The following DMPK variants were observed in gnomAD, a reference collection of about 807,000 sequenced individuals.
DMPK encodes the protein DM1 protein kinase.
A neutral mutation model predicts 70.3 loss-of-function variants in DMPK; 32 were observed. The observed-to-expected ratio is 0.46, with a 90% CI of 0.34 to 0.61. The LOEUF (loss-of-function observed/expected upper bound fraction) is 0.61, where lower values mean the gene tolerates loss of function less well. DMPK is among the 20% of genes least tolerant of loss of function. DMPK has a pLI of 0.01. For missense variants in DMPK, 899 were observed against 886.0 expected, an observed-to-expected ratio of 1.01 and a Z score of -0.19; for synonymous variants, 469 against 390.9, an observed-to-expected ratio of 1.20 and a Z score of -2.36.
At chr19:45,771,234 CTA>C in intron 13 of DMPK, 114 bp downstream of exon 13, 1 of 1,407,806 alleles carries the variant, frequency 7.1e-7, no homozygotes, top group Non-Finnish European at 9.6e-7. Context: ...CTTCTGCCCT[CTA>C]AAGTCGCAAA....
rs1008981067 is a variant in DMPK at position 45,770,265 on chromosome 19, C to CATT, written c.*220_*222dup. 25 of 691,038 alleles carry CATT rather than the reference C, an allele frequency of 3.6e-5. 4 individuals are homozygous for CATT. The highest frequency in any genetic ancestry group is 7.3e-5 in the Admixed American group (3 of 41,290). 42.8% of individuals were successfully genotyped at this position (691,038 alleles called of 1,614,324 possible). ...GCAGCAGCAGCAGCAGCAGCAGCAGCATTCCCGGCTACAAGGACCCTTCGA... is the reference window on the plus strand; with the variant it reads ...GCAGCAGCAGCAGCAGCAGCAGCAGCATTATTCCCGGCTACAAGGACCCTTCGA... On this transcript the variant is annotated 3_prime_UTR_variant, in exon 15 of 15. Transcript: ENST00000291270.
chr19:45,771,060 G>C lies in DMPK; in HGVS notation c.1648C>G (p.Leu550Val). ...SPRATDPPSHLDGPPAVAVGQ... is the reference protein window; with the variant it reads ...SPRATDPPSHVDGPPAVAVGQ... ...ACAGCCACGGCCGGGGGGCCATCTA[G>C]CTGGAGAGAGAAGGGACAGGTGACC... Residue 550 changes from leucine (L) to valine (V), a missense_variant and splice_region_variant, in exon 14 of 15, where the codon CTA becomes GTA. Physicochemically the swap from Leu to Val is conservative, Grantham distance 32. Transcript: ENST00000291270. The C allele has an allele frequency of 6.6e-7, 1 of 1,525,250 alleles. No individual in the cohort carries two copies. The highest frequency in any genetic ancestry group is 8.8e-7 in the Non-Finnish European group (1 of 1,137,384). The allele number at this position is 1,525,250 out of a possible 1,614,324, so 94.5% of individuals were successfully genotyped here. A position where few individuals can be genotyped will look rare whatever the true frequency, so the allele number is the denominator to read the frequency against.
At position 45,771,375 on chromosome 19, in the gene DMPK, G is replaced by T; in HGVS notation, c.1622C>A (p.Pro541His). Residue 541 changes from proline to histidine, a missense_variant, in exon 13 of 15, where the codon CCC becomes CAC. Transcript: ENST00000291270. ...GATAVTGVPS[P>H]RATDPPSHLD... The stretch of plus-strand genomic sequence containing the variant: ...ATGGGAAGGTGGATCCGTGGCCCGG[G>T]GACTGGGGACCCCCGTGACAGCTGG... 6.2e-7 allele frequency: 1 copy of T among 1,604,358 alleles called. No individual in the cohort carries two copies. Among genetic ancestry groups the T allele is most frequent in the Non-Finnish European group, 8.5e-7 (1 of 1,176,964 alleles).
rs1189899397 is a variant in DMPK, at chr19:45,770,511, G to C, written c.1867C>G (p.Pro623Ala). The C allele has an allele frequency of 6.5e-7, 1 of 1,550,330 alleles. No homozygotes were observed. Among genetic ancestry groups the C allele is most frequent in the Non-Finnish European group, 8.7e-7 (1 of 1,146,810 alleles). Reference protein sequence around the residue: ...AGQLTAVWRRPGAARAP With the variant: ...AGQLTAVWRRAGAARAP ...GTTCAGGGAGCGCGGGCGGCTCCTG[G>C]GCGGCGCCAGACTGCGGTGAGTTGG... The change falls in exon 15 of 15, where the codon CCA becomes GCA. Residue 623 changes from proline to alanine, a missense_variant. By Grantham distance (27) the Pro-to-Ala change is conservative. Transcript: ENST00000291270.
At chr19:45,773,181 T>C (rs935950366) in intron 9 of DMPK, among the ~76,000 whole-genome samples, 4 of 152,164 alleles carry the variant, frequency 2.6e-5, no homozygotes, top group South Asian at 2.1e-4. Flanking sequence ...AGATGGCAAC[T>C]TGAGGTCAGC....
intron 2 of DMPK, 67 bp from the exon 3 acceptor site, chr19:45,779,589 T>C (rs1320779857): frequency 6.3e-7 from 1 of 1,594,760 alleles, no homozygotes; most frequent in Non-Finnish European, 8.6e-7. Flanking sequence ...CAGACCCAAC[T>C]CCACCCGCTT....
chr19:45,771,543 G>C, intron 12 of DMPK, 25 bp downstream of exon 12: 1 of 1,613,672 alleles, frequency 6.2e-7, no homozygotes, highest in East Asian at 2.2e-5. Context: ...GGTCCTCCGG[G>C]GAAGGGGACA....
At chr19:45,774,833 C>G (rs909916247) in intron 9 of DMPK, 116 bp downstream of exon 9, 47 of 761,220 alleles carry the variant, frequency 6.2e-5, no homozygotes, top group Non-Finnish European at 7.1e-5. Context: ...AGTCTTTGGG[C>G]CCAAAACAGT....
Position 45,782,265 on chromosome 19 carries a change from G to A in DMPK, c.88C>T (p.Leu30=), listed in dbSNP as rs745879777. 5 of 1,608,080 alleles carry A rather than the reference G, an allele frequency of 3.1e-6. No homozygotes were observed. In the South Asian group the frequency reaches 5.5e-5, roughly 18 times the overall value. ...LGLEPLLDLL[L]GVHQELGASE... ...GCGCCCAGCTCCTGGTGGACGCCCA[G>A]GAGAAGGTCGAGCAGGGGCTCCAGC... Residue 30 remains leucine (L), a synonymous_variant, in exon 1 of 15, where the codon CTG becomes TTG. Coordinates refer to ENST00000291270, the MANE Select transcript of DMPK (RefSeq NM_004409.5).
chr19:45,774,262 CT>C (rs34551308), intron 9 of DMPK, among the ~76,000 whole-genome samples: 15,384 of 121,908 alleles, frequency 0.13, 1,039 homozygotes, highest in Middle Eastern at 0.23. Flanking sequence ...TAAATAAATA[CT>C]TTTTTTTTTT....
rs1194548392 is a variant in DMPK, at chr19:45,777,329, C to T, written c.1144G>A (p.Gly382Arg). The T allele has an allele frequency of 4.5e-6, 7 of 1,566,638 alleles. No individual in the cohort carries two copies. The highest frequency in any genetic ancestry group is 2.3e-5 in the East Asian group (1 of 44,444). ...GAGCAGGGGCCACAGGTACCTACCC[C>T]GCCCCCGCTCACCATGGCAGTGAGC... is the stretch of plus-strand genomic sequence containing the variant. ...DGLTAMVSGG[G>R]ETLSDIREGA... The change falls in exon 8 of 15, where the codon GGG becomes AGG. Residue 382 changes from glycine to arginine, a missense_variant and splice_region_variant. This residue lies in a region of DMPK where 555 missense variants were observed against 483.8 expected (regional missense o/e 1.15). Transcript: ENST00000291270. The surrounding 1 kb of genome is among the most constrained non-coding windows in gnomAD (Gnocchi z 6.7).
chr19:45,782,232 G>C lies in DMPK; in HGVS notation c.121C>G (p.Leu41Val), dbSNP rs574515658. 6 of 1,608,516 alleles carry C rather than the reference G, an allele frequency of 3.7e-6. No homozygotes were observed. The South Asian group carries it at 5.5e-5, about 15-fold the overall frequency. Residue 41 changes from leucine (L) to valine (V), a missense_variant, in exon 1 of 15, where the codon CTG (leucine) becomes GTG (valine). Leu to Val is a conservative substitution (Grantham distance 32). This residue lies in a region of DMPK where 149 missense variants were observed against 142.5 expected (regional missense o/e 1.05). Transcript: ENST00000291270. ...GVHQELGASELAQDKYVADFL... is the reference protein window; with the variant it reads ...GVHQELGASEVAQDKYVADFL... ...TCGGCCACGTACTTGTCCTGGGCCA[G>C]TTCGGAGGCGCCCAGCTCCTGGTGG...
Position 45,779,871 on chromosome 19 carries a change from T to TG in DMPK, c.161-3dup, listed in dbSNP as rs771358616. 409 of 1,612,626 alleles carry TG rather than the reference T, an allele frequency of 2.5e-4. No individual in the cohort carries two copies. Among genetic ancestry groups the TG allele is most frequent in the Non-Finnish European group, 3.1e-4 (364 of 1,179,632 alleles). ...TAAGCCTCACCACGATGGGCTCCGC[T>TG]GGGGGGGTGGTGGGGGAAAAGAACC... On this transcript the variant is annotated splice_polypyrimidine_tract_variant and splice_region_variant and intron_variant, in intron 1 of 14. Transcript: ENST00000291270.
At position 45,775,858 on chromosome 19, in the gene DMPK, T is replaced by G. The variant is rs1969747619; in HGVS notation, c.1147-824A>C. On this transcript the variant is annotated intron_variant, in intron 8 of 14. Coordinates refer to ENST00000291270, the MANE Select transcript of DMPK (RefSeq NM_004409.5). ...TTTTTTGAGACAGAGTCTCACTCTG[T>G]CACCCAGACTGGAGTGTAGTGGCAT... 3.5e-5 allele frequency among the ~76,000 whole-genome samples: 3 copies of G among 86,816 alleles called. 1 individual carries two copies. Among genetic ancestry groups the G allele is most frequent in the African/African-American group, 1.2e-4 (3 of 24,736 alleles). The allele number at this position is 86,816 out of a possible 152,430, so 57.0% of individuals were successfully genotyped here.
At chr19:45,781,362 T>C (rs893062643) in intron 1 of DMPK, among the ~76,000 whole-genome samples, 3 of 151,672 alleles carry the variant, frequency 2.0e-5, no homozygotes, top group Admixed American at 1.3e-4. Context: ...AGCGGAAGCA[T>C]CCTCCTTCCA....
At position 45,777,149 on chromosome 19, in the gene DMPK, C is replaced by T; in HGVS notation, c.1146+178G>A. 1.2e-6 allele frequency: 1 copy of T among 847,806 alleles called. No homozygotes were observed. Among genetic ancestry groups the T allele is most frequent in the Admixed American group, 3.2e-5 (1 of 31,276 alleles). 52.5% of individuals were successfully genotyped at this position (847,806 alleles called of 1,614,324 possible). ...ACTGTCTGAAGACTGCTCTGTGTTC[C>T]CCCACTGGACTGTAAGTCTAGGTCA... On this transcript the variant is annotated intron_variant, in intron 8 of 14. Transcript: ENST00000291270. The surrounding 1 kb of genome is among the most constrained non-coding windows in gnomAD (Gnocchi z 6.7).
Position 45,770,074 on chromosome 19 carries a change from C to T in DMPK, c.*414G>A, listed in dbSNP as rs1036011859. On this transcript the variant is annotated 3_prime_UTR_variant, in exon 15 of 15. Coordinates refer to ENST00000291270, the MANE Select transcript of DMPK (RefSeq NM_004409.5). ...CAAGAAAGCTTTGCACTTTGCGAAC[C>T]AACGATAGGTGGGGGTGCGTGGAGG... The T allele has an allele frequency of 2.4e-5, 12 of 505,582 alleles. No individual in the cohort carries two copies. Among genetic ancestry groups the T allele is most frequent in the African/African-American group, 2.2e-4 (11 of 50,202 alleles). The allele number at this position is 505,582 out of a possible 1,614,324, so 31.3% of individuals were successfully genotyped here.
At chr19:45,778,685 C>T (rs756936150) in intron 4 of DMPK, 44 bp from the exon 5 acceptor site, 60 of 1,596,258 alleles carry the variant, frequency 3.8e-5, no homozygotes, top group Admixed American at 2.2e-4. Flanking sequence ...CCCCTGAGGC[C>T]CTGATCCATC....
chr19:45,774,711 T>G (rs1420289723), intron 9 of DMPK, among the ~76,000 whole-genome samples: 1 of 152,226 alleles, frequency 6.6e-6, no homozygotes, highest in African/African-American at 2.4e-5. Context: ...AAGTTAATGG[T>G]TACAAGATTC....
Sources: gnomAD v4.1 joint callset for allele counts (sites outside exome capture counted in the v4.1 genomes callset) on GRCh38, gnomAD v4.1.1 for gene constraint, gnomAD v4.1.1 regional missense constraint, Gnocchi (gnomAD v3.1) non-coding constraint, MANE v1.5 for transcripts, NCBI Gene and HGNC (gene_info 2026-07-23, HGNC 2026-07-21) for gene names.